The following LRRC4C variants were observed in gnomAD, a reference collection of about 807,000 sequenced individuals.
LRRC4C encodes leucine-rich repeat-containing protein 4C.
A neutral mutation model predicts 33.6 loss-of-function variants in LRRC4C; 5 were observed. The observed-to-expected ratio is 0.15, with a 90% CI of 0.08 to 0.31. LRRC4C has a LOEUF of 0.31. LRRC4C is among the 10% of genes least tolerant of loss of function. LRRC4C has a pLI of 1.00. For synonymous variants in LRRC4C, 329 were observed against 302.0 expected (o/e 1.09, Z -0.93); for missense variants, 560 against 796.7 (o/e 0.70, Z 3.58).
intron 2 of LRRC4C, among the ~76,000 whole-genome samples, chr11:40,697,912 C>CA (rs1945656193): frequency 6.6e-6 from 1 of 151,584 alleles, no homozygotes; most frequent in African/African-American, 2.4e-5. Flanking sequence ...ACTAAAAATA[C>CA]AAAAAATTAG....
At chr11:40,186,916 A>C (rs142135826) in intron 5 of LRRC4C, among the ~76,000 whole-genome samples, 4,013 of 152,238 alleles carry the variant, frequency 0.026, 79 homozygotes, top group Middle Eastern at 0.099. Flanking sequence ...CCCCTCTGTC[A>C]GGAAGCATTT....
At chr11:40,326,183 G>C (rs1946093811) in intron 3 of LRRC4C, among the ~76,000 whole-genome samples, 1 of 152,058 alleles carries the variant, frequency 6.6e-6, no homozygotes, top group Non-Finnish European at 1.5e-5. Flanking sequence ...AATTAAGTCA[G>C]TGACTTACTT....
At chr11:41,378,139 T>G (rs1953008303) in intron 1 of LRRC4C, among the ~76,000 whole-genome samples, 1 of 149,892 alleles carries the variant, frequency 6.7e-6, no homozygotes, top group Non-Finnish European at 1.5e-5. Context: ...AAAATAAGAG[T>G]GGGGAAGCAA....
chr11:41,442,813 C>T (rs571037761), intron 1 of LRRC4C, among the ~76,000 whole-genome samples: 11 of 152,094 alleles, frequency 7.2e-5, no homozygotes, highest in South Asian at 4.1e-4. Flanking sequence ...GATTTTTATA[C>T]TGTATAATCT....
At chr11:41,416,385 CA>C (rs1465713773) in intron 1 of LRRC4C, among the ~76,000 whole-genome samples, 1 of 151,876 alleles carries the variant, frequency 6.6e-6, no homozygotes, top group Non-Finnish European at 1.5e-5. Flanking sequence ...AAATTGAGGT[CA>C]AAAGGGTAAA....
chr11:40,856,368 T>C (rs574106070), intron 2 of LRRC4C, among the ~76,000 whole-genome samples: 7 of 152,178 alleles, frequency 4.6e-5, no homozygotes, highest in Non-Finnish European at 8.8e-5. Flanking sequence ...ATGCTGAAAA[T>C]ATAAAATGTT....
chr11:41,360,642 G>A (rs966043658), intron 1 of LRRC4C, among the ~76,000 whole-genome samples: 1 of 152,148 alleles, frequency 6.6e-6, no homozygotes, highest in Non-Finnish European at 1.5e-5. Flanking sequence ...TGATAAATGA[G>A]CAGGGTAGAA....
chr11:40,330,661 A>AG (rs1312912720), intron 3 of LRRC4C, among the ~76,000 whole-genome samples: 1 of 152,116 alleles, frequency 6.6e-6, no homozygotes, highest in African/African-American at 2.4e-5. Context: ...AGCTGAGCAA[A>AG]GGGGGAAAAG....
At chr11:41,192,739 A>G (rs1006747771) in intron 1 of LRRC4C, among the ~76,000 whole-genome samples, 3 of 152,150 alleles carry the variant, frequency 2.0e-5, no homozygotes, top group Non-Finnish European at 4.4e-5. Context: ...AAATCATTAC[A>G]GGACAACTTA....
At chr11:41,049,822 A>G (rs1858070663) in intron 1 of LRRC4C, among the ~76,000 whole-genome samples, 1 of 152,176 alleles carries the variant, frequency 6.6e-6, no homozygotes, top group Non-Finnish European at 1.5e-5. Context: ...ACATGTACAG[A>G]GTGATTAGAA....
At chr11:41,000,045 G>T (rs1042517602) in intron 1 of LRRC4C, among the ~76,000 whole-genome samples, 20 of 151,946 alleles carry the variant, frequency 1.3e-4, no homozygotes, top group African/African-American at 4.8e-4. Context: ...GAAAAGAGAA[G>T]GTTGTAAAAA....
At chr11:40,940,273 C>A (rs993210443) in intron 1 of LRRC4C, among the ~76,000 whole-genome samples, 2 of 151,990 alleles carry the variant, frequency 1.3e-5, no homozygotes, top group South Asian at 4.1e-4. Context: ...AGCCTAGGCA[C>A]GTAGTATGTA....
At chr11:41,408,448 T>C (rs1398982066) in intron 1 of LRRC4C, among the ~76,000 whole-genome samples, 1 of 152,136 alleles carries the variant, frequency 6.6e-6, no homozygotes, top group Non-Finnish European at 1.5e-5. Flanking sequence ...TTGGTAAATG[T>C]ATTAAAAGGA....
At chr11:40,253,071 C>T (rs1866912224) in intron 4 of LRRC4C, among the ~76,000 whole-genome samples, 1 of 152,166 alleles carries the variant, frequency 6.6e-6, no homozygotes. Flanking sequence ...AATTATTCCA[C>T]TTGGCATTTC....
chr11:41,160,379 C>A lies in LRRC4C; in HGVS notation c.-495-226656G>T, dbSNP rs1226356596. Among the ~76,000 whole-genome samples, 5 of 129,342 alleles carry A rather than the reference C, an allele frequency of 3.9e-5. No individual in the cohort carries two copies. The South Asian group carries it at 7.2e-4, about 19-fold the overall frequency. 84.9% of individuals were successfully genotyped at this position (129,342 alleles called of 152,430 possible). ...TAGGCAACGTAGCAAGACCCTCTTT[C>A]TAAAAAAAAAAAAAAAATACATAAA... is the stretch of plus-strand genomic sequence containing the variant. On this transcript the variant is annotated intron_variant, in intron 1 of 6. Coordinates refer to ENST00000528697, the MANE Select transcript of LRRC4C (RefSeq NM_001258419.2).
chr11:41,345,686 G>T (rs745465038), intron 1 of LRRC4C, among the ~76,000 whole-genome samples: 10 of 151,960 alleles, frequency 6.6e-5, no homozygotes, highest in Non-Finnish European at 1.3e-4. Context: ...TCTAAAGTAG[G>T]TATCATGACC....
chr11:40,695,289 A>C (rs1229584444), intron 2 of LRRC4C, among the ~76,000 whole-genome samples: 1 of 152,104 alleles, frequency 6.6e-6, no homozygotes, highest in Non-Finnish European at 1.5e-5. Flanking sequence ...TTGATCACTT[A>C]CTTTCACTTT....
At chr11:40,653,411 G>C (rs1002081093) in intron 2 of LRRC4C, among the ~76,000 whole-genome samples, 1 of 152,168 alleles carries the variant, frequency 6.6e-6, no homozygotes. Context: ...CTGTGGTAAA[G>C]GTCACTCTTG....
In LRRC4C at chr11:41,341,787, G is replaced by A. The variant is rs77032516; in HGVS notation, c.-496+117644C>T. The stretch of plus-strand genomic sequence containing the variant: ...ACATAGTTTCAGGTAAACCATGCCC[G>A]AAGTGAAGATTCTGGCCATAATCTC... On this transcript the variant is annotated intron_variant, in intron 1 of 6. Transcript: ENST00000528697. Among the ~76,000 whole-genome samples the A allele has an allele frequency of 4.1e-3, 630 of 152,278 alleles. 3 individuals carry two copies. The highest frequency in any genetic ancestry group is 0.013 in the African/African-American group (545 of 41,566).
Sources: allele counts gnomAD v4.1 joint callset (sites outside exome capture counted in the v4.1 genomes callset), GRCh38; gene constraint gnomAD v4.1.1; transcripts MANE v1.5; gene names NCBI Gene and HGNC (gene_info 2026-07-23, HGNC 2026-07-21).